FER1L6: variants seen among roughly 807,000 people sequenced by gnomAD.
FER1L6 encodes fer-1-like protein 6.
FER1L6 carries 177 observed loss-of-function variants against 219.2 expected under a neutral mutation model. The observed-to-expected ratio is 0.81, with a 90% CI of 0.71 to 0.91. The LOEUF (loss-of-function observed/expected upper bound fraction) is 0.91, where lower values mean the gene tolerates loss of function less well. FER1L6 is among the 40% of genes least tolerant of loss of function. The pLI, the probability that FER1L6 is intolerant of heterozygous loss-of-function variation, is 0.00. For synonymous variants in FER1L6, 768 were observed against 824.3 expected, an observed-to-expected ratio of 0.93 and a Z score of 1.17; for missense variants, 2,153 against 2,259.9, an observed-to-expected ratio of 0.95 and a Z score of 0.96.
chr8:124,012,268 G>A (rs1817972752), intron 14 of FER1L6, among the ~76,000 whole-genome samples: 1 of 152,224 alleles, frequency 6.6e-6, no homozygotes, highest in African/African-American at 2.4e-5. Context: ...CAGGCAACAT[G>A]GAGATAAACT....
intron 1 of FER1L6, among the ~76,000 whole-genome samples, chr8:123,920,939 A>G (rs1236972877): frequency 1.3e-5 from 2 of 152,234 alleles, no homozygotes; most frequent in African/African-American, 2.4e-5. Flanking sequence ...TATAAGTGGA[A>G]TCAAATACTA....
intron 1 of FER1L6, among the ~76,000 whole-genome samples, chr8:123,924,224 A>C (rs1428526931): frequency 8.6e-6 from 1 of 116,600 alleles, no homozygotes; most frequent in Non-Finnish European, 1.7e-5. Context: ...GACAGAGGAG[A>C]CTCAGTATCA....
chr8:123,888,016 G>C (rs1817237048), intron 1 of FER1L6, among the ~76,000 whole-genome samples: 1 of 152,142 alleles, frequency 6.6e-6, no homozygotes, highest in Non-Finnish European at 1.5e-5. Flanking sequence ...AGACATTCTT[G>C]GGGCTTGTTT....
At chr8:123,854,855 A>G (rs915909401) in intron 1 of FER1L6, among the ~76,000 whole-genome samples, 11 of 152,310 alleles carry the variant, frequency 7.2e-5, no homozygotes, top group African/African-American at 2.6e-4. Context: ...TTCTTCTGCT[A>G]TACACTTACC....
At chr8:123,866,396 G>A (rs1201049029) in intron 1 of FER1L6, among the ~76,000 whole-genome samples, 1 of 151,668 alleles carries the variant, frequency 6.6e-6, no homozygotes, top group Non-Finnish European at 1.5e-5. Flanking sequence ...ATCCTTTGAT[G>A]GTCACTGAGG....
intron 39 of FER1L6, among the ~76,000 whole-genome samples, chr8:124,109,394 C>T (rs73703950): frequency 0.02 from 3,031 of 152,260 alleles, 101 homozygotes; most frequent in African/African-American, 0.069. Context: ...GAAGATGGAG[C>T]CGCCTTCTTG....
chr8:123,976,033 C>G lies in FER1L6; in HGVS notation c.819C>G (p.Asp273Glu), dbSNP rs535208911. 1 of 1,614,014 alleles carries G rather than the reference C, an allele frequency of 6.2e-7. No individual in the cohort carries two copies. The highest frequency in any genetic ancestry group is 1.7e-5 in the Admixed American group (1 of 60,014). Residue 273 changes from aspartate (D) to glutamate (E), a missense_variant, in exon 9 of 41, where the codon GAC (aspartate) becomes GAG (glutamate). By Grantham distance (45) the Asp-to-Glu change is conservative. Transcript: ENST00000522917. ...MANVTKAFVG[D>E]SKDLVDPFVE... is the part of the protein sequence containing the mutation. ...ACGTCACCAAGGCATTTGTGGGTGACAGTAAGGACCTGGTGGATCCCTTTG... is the reference window on the plus strand; with the variant it reads ...ACGTCACCAAGGCATTTGTGGGTGAGAGTAAGGACCTGGTGGATCCCTTTG...
chr8:123,910,666 CAG>C (rs140908802), intron 1 of FER1L6, among the ~76,000 whole-genome samples: 21,564 of 151,964 alleles, frequency 0.14, 1,547 homozygotes, highest in Middle Eastern at 0.2. Context: ...AAGTGAAAAA[CAG>C]AGGTCCTCCA....
In FER1L6 at chr8:123,853,887, T is replaced by A. The variant is rs1191149514; in HGVS notation, c.-8+1702T>A. Among the ~76,000 whole-genome samples, 1 of 152,148 alleles carries A rather than the reference T, an allele frequency of 6.6e-6. No homozygotes were observed. Among genetic ancestry groups the A allele is most frequent in the Admixed American group, 6.5e-5 (1 of 15,288 alleles). On this transcript the variant is annotated intron_variant, in intron 1 of 40. Coordinates refer to ENST00000522917, the MANE Select transcript of FER1L6 (RefSeq NM_001039112.2). The surrounding 1 kb of genome is among the most constrained non-coding windows in gnomAD (Gnocchi z 6.6). ...TGCAGAGCTGCCAGTCTCCTGCAAC[T>A]CCACAGAGCCTGGACAGGGCAGCAG...
chr8:123,972,131 T>C (rs765224136), intron 6 of FER1L6, among the ~76,000 whole-genome samples: 7 of 152,262 alleles, frequency 4.6e-5, no homozygotes, highest in Non-Finnish European at 8.8e-5. Context: ...AGCATCCTTC[T>C]GTAGCTTCTC....
chr8:123,904,613 GA>G (rs1447082902), intron 1 of FER1L6, among the ~76,000 whole-genome samples: 1 of 152,156 alleles, frequency 6.6e-6, no homozygotes, highest in Non-Finnish European at 1.5e-5. Context: ...AAGATACTTA[GA>G]AGGTGGTGAG....
At chr8:123,960,767 G>T (rs1346118608) in intron 2 of FER1L6, among the ~76,000 whole-genome samples, 1 of 151,932 alleles carries the variant, frequency 6.6e-6, no homozygotes, top group Non-Finnish European at 1.5e-5. Context: ...TGCAATTAGG[G>T]TTCACCTGGA....
intron 3 of FER1L6, among the ~76,000 whole-genome samples, chr8:123,964,764 C>G (rs1433054343): frequency 6.6e-6 from 1 of 152,206 alleles, no homozygotes; most frequent in Admixed American, 6.5e-5. Context: ...CCCACCAATG[C>G]TCAATTCAAA....
intron 28 of FER1L6, 51 bp downstream of exon 28, chr8:124,067,857 G>A (rs747445927): frequency 2.1e-5 from 32 of 1,499,812 alleles, no homozygotes; most frequent in Non-Finnish European, 2.4e-5. Flanking sequence ...CCATCGTTAC[G>A]AGAAAATTGT....
rs1586456192 is a variant in FER1L6 at position 123,909,763 on chromosome 8, CAACT to C, written c.-7-46227_-7-46224del. Reference sequence around the variant, plus strand: ...TGGTGACAATGATAGCTGTCCTTGTCAACTAGGGGATGATGTAGCTGTCCTTGTC... The same window carrying C: ...TGGTGACAATGATAGCTGTCCTTGTCAGGGGATGATGTAGCTGTCCTTGTC... On this transcript the variant is annotated intron_variant, in intron 1 of 40. Coordinates refer to ENST00000522917, the MANE Select transcript of FER1L6 (RefSeq NM_001039112.2). Among the ~76,000 whole-genome samples the C allele has an allele frequency of 1.9e-3, 15 of 7,926 alleles. No homozygotes were observed. The East Asian group carries it at 0.022, about 12-fold the overall frequency. 5.2% of individuals were successfully genotyped at this position (7,926 alleles called of 152,430 possible).
chr8:124,106,359 A>C lies in FER1L6; in HGVS notation c.5289+3050A>C, dbSNP rs942261634. ...AAAAAAAAAAAAAAAAAAAAAAAAAAAACAGAGTGGACGTTATGATATATG... is the reference window on the plus strand; with the variant it reads ...AAAAAAAAAAAAAAAAAAAAAAAAACAACAGAGTGGACGTTATGATATATG... On this transcript the variant is annotated intron_variant, in intron 39 of 40. Coordinates refer to ENST00000522917, the MANE Select transcript of FER1L6 (RefSeq NM_001039112.2). 4.8e-3 allele frequency among the ~76,000 whole-genome samples: 600 copies of C among 124,002 alleles called. 13 individuals are homozygous for C. Among genetic ancestry groups the C allele is most frequent in the African/African-American group, 0.017 (575 of 33,694 alleles). 81.4% of individuals were successfully genotyped at this position (124,002 alleles called of 152,430 possible).
intron 13 of FER1L6, among the ~76,000 whole-genome samples, chr8:124,005,675 G>A (rs35068783): frequency 2.2e-3 from 335 of 152,332 alleles, no homozygotes; most frequent in Admixed American, 8.2e-3. Context: ...CCAGTGAATG[G>A]CAGTAGATGC....
chr8:124,049,711 G>A lies in FER1L6; in HGVS notation c.2829G>A (p.Gly943=). Residue 943 remains glycine (G), a synonymous_variant, in exon 22 of 41, where the codon GGG becomes GGA. Transcript: ENST00000522917. ...PRLCYHPIFC[G]NLSGGDLLAV... ...TATGCTATCACCCCATCTTTTGTGG[G>A]AATCTCTCTGGAGGGGATCTCCTTG... The A allele has an allele frequency of 6.2e-7, 1 of 1,614,070 alleles. No homozygotes were observed. Among genetic ancestry groups the A allele is most frequent in the Non-Finnish European group, 8.5e-7 (1 of 1,180,000 alleles).
At chr8:124,106,351 AAAAAAAAAAAC>A (rs1822774769) in intron 39 of FER1L6, among the ~76,000 whole-genome samples, 2 of 150,680 alleles carry the variant, frequency 1.3e-5, no homozygotes, top group African/African-American at 4.9e-5. Flanking sequence ...AAAAAAAAAA[AAAAAAAAAAAC>A]AGAGTGGACG....
Sources: gnomAD v4.1 joint callset for allele counts (sites outside exome capture counted in the v4.1 genomes callset) on GRCh38, gnomAD v4.1.1 for gene constraint, Gnocchi (gnomAD v3.1) non-coding constraint, MANE v1.5 for transcripts, NCBI Gene and HGNC (gene_info 2026-07-23, HGNC 2026-07-21) for gene names.